Variants in NAALADL2 observed in about 807,000 individuals in gnomAD.
The protein encoded by NAALADL2 is inactive N-acetylated-alpha-linked acidic dipeptidase-like protein 2.
In NAALADL2, 76 loss-of-function variants were observed where a neutral mutation model predicts 87.2. The observed-to-expected ratio is 0.87, with a 90% CI of 0.72 to 1.05. The LOEUF is 1.05. Among genes scored for constraint, NAALADL2 ranks in the 50% least tolerant of loss-of-function variants. The probability of loss-of-function intolerance (pLI) is 0.00; values close to 1 mark genes in which losing one functional copy is unlikely to be tolerated. For synonymous variants in NAALADL2, 354 were observed against 331.0 expected, an observed-to-expected ratio of 1.07 and a Z score of -0.75; for missense variants, 1,089 against 945.8, an observed-to-expected ratio of 1.15 and a Z score of -1.99.
At chr3:175,789,364 G>A (rs916537508) in intron 13 of NAALADL2, among the ~76,000 whole-genome samples, 3 of 152,168 alleles carry the variant, frequency 2.0e-5, no homozygotes, top group Non-Finnish European at 2.9e-5. Flanking sequence ...TGTCTTCTCT[G>A]TGTTAAAAGT....
chr3:175,010,508 T>C (rs563515096), intron 1 of NAALADL2, among the ~76,000 whole-genome samples: 5 of 152,210 alleles, frequency 3.3e-5, no homozygotes, highest in Non-Finnish European at 7.3e-5. Flanking sequence ...CAAAATTATC[T>C]TAATATAACT....
At chr3:175,420,066 C>T (rs1269329739) in intron 5 of NAALADL2, among the ~76,000 whole-genome samples, 1 of 151,724 alleles carries the variant, frequency 6.6e-6, no homozygotes, top group African/African-American at 2.4e-5. Context: ...TTGACCTAAC[C>T]CAATAAATAT....
chr3:175,553,026 T>G (rs1366048742), intron 9 of NAALADL2, among the ~76,000 whole-genome samples: 3 of 152,176 alleles, frequency 2.0e-5, no homozygotes, highest in Non-Finnish European at 4.4e-5. Context: ...TACCCTTTAC[T>G]TTTTTGCCTT....
intron 2 of NAALADL2, among the ~76,000 whole-genome samples, chr3:175,143,699 A>C (rs1173272463): frequency 6.6e-6 from 1 of 151,946 alleles, no homozygotes; most frequent in Non-Finnish European, 1.5e-5. Flanking sequence ...AAATCACTGT[A>C]AACAAAACAT....
intron 2 of NAALADL2, among the ~76,000 whole-genome samples, chr3:174,723,290 C>T (rs116687459): frequency 3.3e-5 from 5 of 151,998 alleles, no homozygotes; most frequent in Admixed American, 2.6e-4. Context: ...TGAGCCTATT[C>T]CTATGAAACT....
intron 13 of NAALADL2, among the ~76,000 whole-genome samples, chr3:175,784,988 T>C (rs1751719845): frequency 6.7e-6 from 1 of 150,174 alleles, no homozygotes; most frequent in South Asian, 2.1e-4. Context: ...GAGCAGGTTG[T>C]CCAGTTTCCA....
upstream of NAALADL2, among the ~76,000 whole-genome samples, chr3:174,857,136 A>G (rs2109511467): frequency 6.6e-6 from 1 of 152,304 alleles, no homozygotes; most frequent in South Asian, 2.1e-4. Context: ...TTCAACAAGA[A>G]TTTCTGCATA....
Position 175,443,138 on chromosome 3 carries a change from T to TAGTATCTGC in NAALADL2, c.1091-4090_1091-4082dup, listed in dbSNP as rs1380395804. On this transcript the variant is annotated intron_variant, in intron 5 of 13. Transcript: ENST00000454872. ...TTAGTGTCTTGTAAAGTCCTGCTTT[T>TAGTATCTGC]AGTATCTGCTCTCAGAAGTGAACTG... 2.6e-5 allele frequency among the ~76,000 whole-genome samples: 4 copies of TAGTATCTGC among 152,318 alleles called. No homozygotes were observed. In the East Asian group the frequency reaches 5.8e-4, roughly 22 times the overall value.
intron 6 of NAALADL2, among the ~76,000 whole-genome samples, chr3:175,462,164 A>G (rs1723241594): frequency 6.6e-6 from 1 of 152,192 alleles, no homozygotes; most frequent in Non-Finnish European, 1.5e-5. Flanking sequence ...AGATGTTAAT[A>G]ATAGGAGGCT....
chr3:175,618,038 A>G (rs990767456), intron 10 of NAALADL2, among the ~76,000 whole-genome samples: 1 of 152,170 alleles, frequency 6.6e-6, no homozygotes, highest in African/African-American at 2.4e-5. Context: ...ATGAGATAAA[A>G]AACTCATCCC....
chr3:174,746,501 C>T (rs1734267428), intron 3 of NAALADL2, among the ~76,000 whole-genome samples: 1 of 152,082 alleles, frequency 6.6e-6, no homozygotes, highest in South Asian at 2.1e-4. Flanking sequence ...AATAGCCATA[C>T]TGCCCAAAGT....
At chr3:175,705,918 T>C (rs931470166) in intron 11 of NAALADL2, among the ~76,000 whole-genome samples, 2 of 152,146 alleles carry the variant, frequency 1.3e-5, no homozygotes, top group Non-Finnish European at 2.9e-5. Context: ...GGAAATGTTT[T>C]AGAGCAATGT....
intron 1 of NAALADL2, chr3:174,536,674 T>C (rs1374809043): frequency 6.6e-6 from 1 of 152,172 alleles, no homozygotes. Context: ...CGTCTTTTAT[T>C]CAACCCTAGG....
chr3:175,004,376 CAAAAAAA>C (rs538715061), intron 1 of NAALADL2, among the ~76,000 whole-genome samples: 156 of 33,834 alleles, frequency 4.6e-3, no homozygotes, highest in African/African-American at 8.5e-3. Flanking sequence ...GAGACTATTT[CAAAAAAA>C]AAAAAAAAAA....
chr3:175,419,010 T>C (rs1007710468), intron 5 of NAALADL2, among the ~76,000 whole-genome samples: 3 of 151,642 alleles, frequency 2.0e-5, no homozygotes, highest in Non-Finnish European at 4.4e-5. Context: ...GTTTTCTTTT[T>C]CTTTTTTTTT....
chr3:174,759,154 A>G lies in NAALADL2; in HGVS notation c.-9+21408A>G, dbSNP rs555973606. Reference sequence around the variant, plus strand: ...TTTATGCTACCAAAATTATTTGTGTATTTTGGCAGCTGGAATTAGTCTCCT... The same window carrying G: ...TTTATGCTACCAAAATTATTTGTGTGTTTTGGCAGCTGGAATTAGTCTCCT... On this transcript the variant is annotated intron_variant, in intron 3 of 3. Coordinates refer to the NAALADL2 transcript ENST00000434257. 2.6e-5 allele frequency among the ~76,000 whole-genome samples: 4 copies of G among 152,294 alleles called. No homozygotes were observed. The South Asian group carries it at 8.3e-4, about 32-fold the overall frequency.
intron 1 of NAALADL2, chr3:175,081,163 G>A (rs1717736391): frequency 6.6e-6 from 1 of 152,144 alleles, no homozygotes; most frequent in Non-Finnish European, 1.5e-5. Context: ...ACATATGATT[G>A]AGGATATGAA....
At chr3:175,294,601 A>G (rs1011946812) in intron 4 of NAALADL2, among the ~76,000 whole-genome samples, 9 of 152,216 alleles carry the variant, frequency 5.9e-5, no homozygotes, top group African/African-American at 2.2e-4. Context: ...TGGAGGTTGC[A>G]GAGCCAAGGT....
chr3:175,242,239 C>G (rs577932667), intron 3 of NAALADL2: 1 of 152,184 alleles, frequency 6.6e-6, no homozygotes, highest in East Asian at 1.9e-4. Context: ...ACAGAAAATG[C>G]CAGTGTTTTC....
Sources: gnomAD v4.1 joint callset for allele counts (sites outside exome capture counted in the v4.1 genomes callset) on GRCh38, gnomAD v4.1.1 for gene constraint, MANE v1.5 for transcripts, NCBI Gene and HGNC (gene_info 2026-07-23, HGNC 2026-07-21) for gene names.